The following STMN2 variants were observed in gnomAD, a reference collection of about 807,000 sequenced individuals.
STMN2 encodes stathmin-2.
A neutral mutation model predicts 24.1 loss-of-function variants in STMN2; 2 were observed. That is an observed-to-expected ratio of 0.08 (90% CI 0.03 to 0.26). The LOEUF is 0.26. STMN2 is among the 10% of genes least tolerant of loss of function. STMN2 has a pLI of 1.00. For missense variants in STMN2, 114 were observed against 213.6 expected (o/e 0.53, Z 2.91); for synonymous variants, 83 against 77.5 (o/e 1.07, Z -0.37).
intron 3 of STMN2, among the ~76,000 whole-genome samples, chr8:79,648,020 T>A (rs1810253007): frequency 6.6e-6 from 1 of 152,240 alleles, no homozygotes; most frequent in Admixed American, 6.5e-5. Flanking sequence ...TATTAATTAT[T>A]TCTCTTTACT....
chr8:79,625,849 T>G (rs1585880685), intron 1 of STMN2, among the ~76,000 whole-genome samples: 1 of 152,014 alleles, frequency 6.6e-6, no homozygotes, highest in African/African-American at 2.4e-5. Flanking sequence ...TCCCAGCTAC[T>G]TGGGAGGCTG....
intron 3 of STMN2, among the ~76,000 whole-genome samples, chr8:79,646,965 G>A (rs1001083776): frequency 6.6e-6 from 1 of 152,152 alleles, no homozygotes; most frequent in African/African-American, 2.4e-5. Flanking sequence ...TGGATAGGGA[G>A]TTGGAGAGTA....
intron 3 of STMN2, among the ~76,000 whole-genome samples, chr8:79,642,483 GAATCAGGT>G (rs1810122744): frequency 6.6e-6 from 1 of 152,048 alleles, no homozygotes; most frequent in Non-Finnish European, 1.5e-5. Context: ...TATAATTTTA[GAATCAGGT>G]AATCACTAAG....
At chr8:79,619,885 CTGA>C (rs1035945260) in intron 1 of STMN2, among the ~76,000 whole-genome samples, 1 of 151,818 alleles carries the variant, frequency 6.6e-6, no homozygotes, top group Non-Finnish European at 1.5e-5. Context: ...TATTATATTT[CTGA>C]TGATTTTTTT....
At chr8:79,652,010 G>T (rs763649375) in intron 3 of STMN2, among the ~76,000 whole-genome samples, 11 of 152,232 alleles carry the variant, frequency 7.2e-5, no homozygotes, top group Non-Finnish European at 1.0e-4. Context: ...TTTAACCACT[G>T]AGCAGAAATG....
intron 2 of STMN2, among the ~76,000 whole-genome samples, chr8:79,640,682 C>G (rs942701822): frequency 2.0e-5 from 3 of 152,210 alleles, no homozygotes. Flanking sequence ...ACCCCCATCA[C>G]AGAGTGATGT....
At chr8:79,629,713 T>C (rs1218321581) in intron 1 of STMN2, among the ~76,000 whole-genome samples, 1 of 152,202 alleles carries the variant, frequency 6.6e-6, no homozygotes, top group African/African-American at 2.4e-5. Flanking sequence ...ATCATTCATT[T>C]CCTAAGACAA....
chr8:79,629,520 G>T (rs1366269978), intron 1 of STMN2, among the ~76,000 whole-genome samples: 2 of 152,154 alleles, frequency 1.3e-5, no homozygotes, highest in South Asian at 2.1e-4. Context: ...AATGAGTGGG[G>T]TTTGAAAAAT....
chr8:79,636,919 T>A, intron 2 of STMN2, 22 bp downstream of exon 2: 1 of 1,599,944 alleles, frequency 6.3e-7, no homozygotes, highest in Non-Finnish European at 8.6e-7. Context: ...AGGATAGACA[T>A]ACCCCTGCTA....
At chr8:79,627,653 A>T (rs1193438327) in intron 1 of STMN2, among the ~76,000 whole-genome samples, 16 of 152,254 alleles carry the variant, frequency 1.1e-4, no homozygotes. Context: ...TAATTTCTTT[A>T]TGAAGCATTT....
intron 1 of STMN2, among the ~76,000 whole-genome samples, chr8:79,616,826 C>T (rs888190199): frequency 1.3e-5 from 2 of 152,062 alleles, no homozygotes; most frequent in African/African-American, 2.4e-5. Context: ...TTGCAGGACT[C>T]GGCAGAAGAC....
chr8:79,623,317 A>G (rs1809563290), intron 1 of STMN2, among the ~76,000 whole-genome samples: 1 of 152,238 alleles, frequency 6.6e-6, no homozygotes, highest in Non-Finnish European at 1.5e-5. Context: ...ATAAGGTATC[A>G]GTAAAATGTA....
intron 1 of STMN2, chr8:79,611,769 G>A (rs1437704584): frequency 1.0e-6 from 1 of 979,808 alleles, no homozygotes; most frequent in East Asian, 1.1e-4. Context: ...GAAACCGCTA[G>A]TCCTGGGGTG....
At chr8:79,631,941 A>G (rs896320100) in intron 1 of STMN2, among the ~76,000 whole-genome samples, 23 of 152,216 alleles carry the variant, frequency 1.5e-4, no homozygotes, top group Admixed American at 5.9e-4. Context: ...ATTTCTGTCT[A>G]TGTTAAGACT....
intron 4 of STMN2, among the ~76,000 whole-genome samples, chr8:79,659,369 G>A (rs1806448643): frequency 6.6e-6 from 1 of 152,130 alleles, no homozygotes; most frequent in Admixed American, 6.6e-5. Flanking sequence ...AAACAGAGAA[G>A]GGGAGGAGAG....
At chr8:79,615,299 T>A (rs966671383) in intron 1 of STMN2, among the ~76,000 whole-genome samples, 1 of 152,218 alleles carries the variant, frequency 6.6e-6, no homozygotes, top group Non-Finnish European at 1.5e-5. Context: ...GGTAGCTCAT[T>A]GCTCACAGGA....
At chr8:79,647,795 A>G (rs374070551) in intron 3 of STMN2, among the ~76,000 whole-genome samples, 1 of 152,220 alleles carries the variant, frequency 6.6e-6, no homozygotes, top group Non-Finnish European at 1.5e-5. Context: ...TATCAATCTC[A>G]TCAGGTCAGT....
rs531972808 is a variant in STMN2, at chr8:79,661,902, T to C, written c.481-2913T>C. 3.2e-4 allele frequency among the ~76,000 whole-genome samples: 49 copies of C among 152,248 alleles called. No individual in the cohort carries two copies. In the South Asian group the frequency reaches 9.8e-3, roughly 30 times the overall value. On this transcript the variant is annotated intron_variant, in intron 4 of 4. Coordinates refer to ENST00000220876, the MANE Select transcript of STMN2 (RefSeq NM_007029.4). ...CCTTTTTTATATTGCAAGTGCATAG[T>C]CATTAGTAAAAAGAAGGATTTTTGA...
chr8:79,632,194 G>T (rs1307887220), intron 1 of STMN2, among the ~76,000 whole-genome samples: 1 of 152,042 alleles, frequency 6.6e-6, no homozygotes, highest in Non-Finnish European at 1.5e-5. Flanking sequence ...TTTTCTTAAG[G>T]AAAGAGGTGC....
Sources: gnomAD v4.1 joint callset for allele counts (sites outside exome capture counted in the v4.1 genomes callset) on GRCh38, gnomAD v4.1.1 for gene constraint, MANE v1.5 for transcripts, NCBI Gene and HGNC (gene_info 2026-07-23, HGNC 2026-07-21) for gene names.